RETREG1: variants seen among roughly 807,000 people sequenced by gnomAD.
RETREG1 encodes the protein reticulophagy regulator 1, also known as family with sequence similarity 134 member B.
RETREG1 carries 44 observed loss-of-function variants against 54.8 expected under a neutral mutation model. That is an observed-to-expected ratio of 0.80 (90% CI 0.63 to 1.03). RETREG1 has a LOEUF of 1.03. RETREG1 is among the 50% of genes least tolerant of loss of function. The pLI is 0.00. For missense variants in RETREG1, 554 were observed against 605.1 expected (o/e 0.92, Z 0.89); for synonymous variants, 217 against 238.5 (o/e 0.91, Z 0.83).
chr5:16,538,276 G>A lies in RETREG1; in HGVS notation c.458+27487C>T, dbSNP rs116218544. ...AGCTGGCTTTGGACAAAAGGCGCCC[G>A]TGATGTGACTGCTCTAGGCAGCTGC... On this transcript the variant is annotated intron_variant, in intron 3 of 8. Coordinates refer to ENST00000306320, the MANE Select transcript of RETREG1 (RefSeq NM_001034850.3). Among the ~76,000 whole-genome samples, 700 of 152,284 alleles carry A rather than the reference G, an allele frequency of 4.6e-3. 3 individuals carry two copies. Among genetic ancestry groups the A allele is most frequent in the Non-Finnish European group, 6.6e-3 (448 of 68,020 alleles).
intron 2 of RETREG1, among the ~76,000 whole-genome samples, chr5:16,567,306 C>T (rs1742041112): frequency 6.6e-6 from 1 of 152,162 alleles, no homozygotes. Context: ...AGAACTAACT[C>T]GCAGACTCTG....
Position 16,481,008 on chromosome 5 carries a change from C to T in RETREG1, c.670+1G>A. 1 of 1,597,920 alleles carries T rather than the reference C, an allele frequency of 6.3e-7. No homozygotes were observed. The highest frequency in any genetic ancestry group is 8.6e-7 in the Non-Finnish European group (1 of 1,165,768). Reference sequence around the variant, plus strand: ...TTAGCCATATGTTCTACTATACTTACACAGTAGATAGCTGAGTATAACCCC... The same window carrying T: ...TTAGCCATATGTTCTACTATACTTATACAGTAGATAGCTGAGTATAACCCC... On this transcript the variant is annotated splice_donor_variant, in intron 5 of 8. Coordinates refer to ENST00000306320, the MANE Select transcript of RETREG1 (RefSeq NM_001034850.3). LOFTEE classifies it high-confidence loss of function.
chr5:16,598,953 G>A (rs1015327746), intron 1 of RETREG1, among the ~76,000 whole-genome samples: 2 of 152,290 alleles, frequency 1.3e-5, no homozygotes, highest in South Asian at 4.1e-4. Context: ...TGAGGTGGGA[G>A]GATCACTTGA....
At chr5:16,498,236 A>G (rs1359588914) in intron 3 of RETREG1, among the ~76,000 whole-genome samples, 1 of 152,190 alleles carries the variant, frequency 6.6e-6, no homozygotes, top group Non-Finnish European at 1.5e-5. Flanking sequence ...GAGTGTACTT[A>G]CACAAACCTG....
At chr5:16,515,627 G>T (rs1740327158) in intron 3 of RETREG1, among the ~76,000 whole-genome samples, 1 of 152,190 alleles carries the variant, frequency 6.6e-6, no homozygotes, top group Non-Finnish European at 1.5e-5. Flanking sequence ...TAAGTTAGAA[G>T]AAGGTAGTTG....
intron 3 of RETREG1, among the ~76,000 whole-genome samples, chr5:16,556,638 G>T (rs2126621298): frequency 1.3e-5 from 2 of 152,198 alleles, no homozygotes; most frequent in South Asian, 4.2e-4. Flanking sequence ...TTACATCATT[G>T]ATAAGTTACC....
intron 1 of RETREG1, among the ~76,000 whole-genome samples, chr5:16,583,946 T>C (rs1742559249): frequency 6.6e-6 from 1 of 152,232 alleles, no homozygotes; most frequent in African/African-American, 2.4e-5. Context: ...TACTGAAATA[T>C]ACATAACTGC....
chr5:16,570,805 C>A (rs1742153377), intron 2 of RETREG1, among the ~76,000 whole-genome samples: 1 of 151,756 alleles, frequency 6.6e-6, no homozygotes, highest in South Asian at 2.1e-4. Flanking sequence ...CCTGTTTGGG[C>A]TGAAATTGGG....
intron 3 of RETREG1, among the ~76,000 whole-genome samples, chr5:16,545,989 C>T (rs1741375425): frequency 6.6e-6 from 1 of 152,196 alleles, no homozygotes; most frequent in African/African-American, 2.4e-5. Context: ...GCATGCCGTG[C>T]AGATGTGAGC....
chr5:16,541,739 G>GGGAGGGAAGGAAGGAAGGAAGGAAGGAA (rs1379256353), intron 3 of RETREG1, among the ~76,000 whole-genome samples: 1 of 102,188 alleles, frequency 9.8e-6, no homozygotes, highest in Admixed American at 1.1e-4. Flanking sequence ...GAGGGAGGGA[G>GGGAGGGAAGGAAGGAAGGAAGGAAGGAA]GGAAGGAAGG....
chr5:16,522,684 C>G (rs1353962923), intron 3 of RETREG1, among the ~76,000 whole-genome samples: 1 of 152,140 alleles, frequency 6.6e-6, no homozygotes, highest in Non-Finnish European at 1.5e-5. Context: ...CATACACAAA[C>G]TTGTTTTATT....
chr5:16,552,005 C>T (rs781192721), intron 3 of RETREG1, among the ~76,000 whole-genome samples: 10 of 152,198 alleles, frequency 6.6e-5, no homozygotes, highest in Non-Finnish European at 1.3e-4. Flanking sequence ...GACATGGGGC[C>T]ACCTGGATAC....
At position 16,565,772 on chromosome 5, in the gene RETREG1, A is replaced by C; in HGVS notation, c.449T>G (p.Leu150Arg). 1 of 1,613,994 alleles carries C rather than the reference A, an allele frequency of 6.2e-7. No individual in the cohort carries two copies. The highest frequency in any genetic ancestry group is 8.5e-7 in the Non-Finnish European group (1 of 1,179,990). The change falls in exon 3 of 9, where the codon CTC (leucine) becomes CGC (arginine). Residue 150 changes from leucine to arginine, a missense_variant. Physicochemically the swap from Leu to Arg is moderately radical, Grantham distance 102. Transcript: ENST00000306320. The part of the protein sequence containing the change: ...RTRGAQLWRS[L>R]SESWEVINSK... ...AAAGAAAGTTCCCTACCTTTCACTG[A>C]GGCTTCTCCACAACTGTGCACCTGC...
intron 3 of RETREG1, among the ~76,000 whole-genome samples, chr5:16,491,536 A>T (rs1739245255): frequency 6.6e-6 from 1 of 152,230 alleles, no homozygotes; most frequent in African/African-American, 2.4e-5. Context: ...TTTTTAATTC[A>T]CTTATCCGAA....
At chr5:16,476,914 C>G (rs939525335) in intron 8 of RETREG1, among the ~76,000 whole-genome samples, 1 of 151,296 alleles carries the variant, frequency 6.6e-6, no homozygotes, top group African/African-American at 2.4e-5. Flanking sequence ...AAGTCAGAAA[C>G]AAAAAAAATA....
At chr5:16,587,636 C>G (rs1192943230) in intron 1 of RETREG1, among the ~76,000 whole-genome samples, 1 of 152,164 alleles carries the variant, frequency 6.6e-6, no homozygotes, top group East Asian at 1.9e-4. Flanking sequence ...TATACCTGAC[C>G]CTGTCCAGGG....
intron 1 of RETREG1, among the ~76,000 whole-genome samples, chr5:16,588,737 AAG>A: frequency 6.6e-6 from 1 of 152,238 alleles, no homozygotes; most frequent in African/African-American, 2.4e-5. Flanking sequence ...CAGGTTATTT[AAG>A]ATCAGAGAGG....
chr5:16,548,206 C>T (rs928544707), intron 3 of RETREG1, among the ~76,000 whole-genome samples: 10 of 152,320 alleles, frequency 6.6e-5, no homozygotes, highest in African/African-American at 2.4e-4. Flanking sequence ...TCCATACTCT[C>T]ACCATGGCCT....
intron 1 of RETREG1, among the ~76,000 whole-genome samples, chr5:16,588,810 G>A (rs1347571725): frequency 6.6e-6 from 1 of 152,204 alleles, no homozygotes; most frequent in Non-Finnish European, 1.5e-5. Flanking sequence ...TAAATTATAT[G>A]CTCACCCTAC....
Sources: gnomAD v4.1 joint callset for allele counts (sites outside exome capture counted in the v4.1 genomes callset) on GRCh38, gnomAD v4.1.1 for gene constraint, MANE v1.5 for transcripts, NCBI Gene and HGNC (gene_info 2026-07-23, HGNC 2026-07-21) for gene names.